DHODH: variants seen among roughly 807,000 people sequenced by gnomAD.
DHODH encodes dihydroorotate dehydrogenase (quinone), mitochondrial.
A neutral mutation model predicts 39.7 loss-of-function variants in DHODH; 30 were observed. The observed-to-expected ratio is 0.76, with a 90% CI of 0.57 to 1.02. The LOEUF (loss-of-function observed/expected upper bound fraction) is 1.02. Among genes scored for constraint, DHODH ranks in the 50% least tolerant of loss-of-function variants. DHODH has a pLI of 0.00. For synonymous variants in DHODH, 222 were observed against 213.8 expected, an observed-to-expected ratio of 1.04 and a Z score of -0.34; for missense variants, 531 against 520.8, an observed-to-expected ratio of 1.02 and a Z score of -0.19.
chr16:72,021,854 T>G (rs1178723926), intron 5 of DHODH, among the ~76,000 whole-genome samples: 1 of 151,984 alleles, frequency 6.6e-6, no homozygotes, highest in Non-Finnish European at 1.5e-5. Flanking sequence ...CCCCAGCTAC[T>G]TGGAGGCCGA....
rs199626701 is a variant in DHODH, at chr16:72,023,214, C to A, written c.869C>A (p.Ala290Glu). ...ACGAACACCACCGTGAGTCGCCCTGCGGGCCTCCAGGGTGCCCTGCGCTCT... is the reference window on the plus strand; with the variant it reads ...ACGAACACCACCGTGAGTCGCCCTGAGGGCCTCCAGGGTGCCCTGCGCTCT... ...IVTNTTVSRP[A>E]GLQGALRSET... is the part of the protein sequence containing the mutation. The change falls in exon 7 of 9, where the codon GCG becomes GAG. Residue 290 changes from alanine to glutamate, a missense_variant. Ala to Glu is a moderately radical substitution (Grantham distance 107). Coordinates refer to ENST00000219240, the MANE Select transcript of DHODH (RefSeq NM_001361.5). 1 of 1,614,056 alleles carries A rather than the reference C, an allele frequency of 6.2e-7. No homozygotes were observed. The highest frequency in any genetic ancestry group is 1.1e-5 in the South Asian group (1 of 91,092).
intron 4 of DHODH, among the ~76,000 whole-genome samples, chr16:72,020,866 A>T (rs567551241): frequency 6.6e-6 from 1 of 152,262 alleles, no homozygotes; most frequent in East Asian, 1.9e-4. Context: ...TTTCCATGAA[A>T]ATTTTAAAAA....
chr16:72,010,509 G>A (rs764701721), intron 1 of DHODH, among the ~76,000 whole-genome samples: 4 of 151,978 alleles, frequency 2.6e-5, no homozygotes, highest in African/African-American at 4.8e-5. Context: ...TCTGTCTGTC[G>A]CTTCATAAGA....
In DHODH at chr16:72,012,084, G is replaced by C. The variant is rs267606765; in HGVS notation, c.56G>C (p.Gly19Ala). 2 of 1,614,056 alleles carry C rather than the reference G, an allele frequency of 1.2e-6. No individual in the cohort carries two copies. Among genetic ancestry groups the C allele is most frequent in the African/African-American group, 2.7e-5 (2 of 74,920 alleles). Residue 19 changes from glycine (G) to alanine (A), a missense_variant, in exon 2 of 9, where the codon GGA becomes GCA. By Grantham distance (60) the Gly-to-Ala change is moderately conservative. Transcript: ENST00000219240. Reference protein sequence around the residue: ...RAQDAVIILGGGGLLFASYLM... With the variant: ...RAQDAVIILGAGGLLFASYLM... The stretch of plus-strand genomic sequence containing the variant: ...CAGGATGCTGTGATCATCCTGGGGG[G>C]AGGAGGACTTCTCTTCGCCTCCTAC...
chr16:72,023,954 TA>T (rs2144005556), intron 8 of DHODH, among the ~76,000 whole-genome samples, 190 bp from the exon 9 acceptor site: 1 of 152,288 alleles, frequency 6.6e-6, no homozygotes, highest in Admixed American at 6.5e-5. Flanking sequence ...TGTCAATACT[TA>T]AAAGCAATTT....
Position 72,012,073 on chromosome 16 carries a change from C to G in DHODH, c.45C>G (p.Ile15Met), listed in dbSNP as rs2041087725. The change falls in exon 2 of 9, where the codon ATC (isoleucine) becomes ATG (methionine). Residue 15 changes from isoleucine to methionine, a missense_variant. Physicochemically the swap from Ile to Met is conservative, Grantham distance 10. Transcript: ENST00000219240. ...HLKKRAQDAV[I>M]ILGGGGLLFA... is the part of the protein sequence containing the mutation. The stretch of plus-strand genomic sequence containing the variant: ...AGAAGCGGGCCCAGGATGCTGTGAT[C>G]ATCCTGGGGGGAGGAGGACTTCTCT... 1.9e-6 allele frequency: 3 copies of G among 1,614,058 alleles called. No homozygotes were observed. The African/African-American group carries it at 4.0e-5, about 22-fold the overall frequency.
At position 72,023,174 on chromosome 16, in the gene DHODH, G is replaced by A. The variant is rs200677583; in HGVS notation, c.829G>A (p.Asp277Asn). 2.4e-5 allele frequency: 39 copies of A among 1,614,154 alleles called. No homozygotes were observed. The highest frequency in any genetic ancestry group is 6.7e-5 in the Admixed American group (4 of 60,020). ...IASVVKELGI[D>N]GLIVTNTTVS... Reference sequence around the variant, plus strand: ...CTATCTCGCACTGCAGTTGGGCATCGATGGGCTGATTGTTACGAACACCAC... The same window carrying A: ...CTATCTCGCACTGCAGTTGGGCATCAATGGGCTGATTGTTACGAACACCAC... The change falls in exon 7 of 9, where the codon GAT becomes AAT. Residue 277 changes from aspartate to asparagine, a missense_variant. Physicochemically the swap from Asp to Asn is conservative, Grantham distance 23 (BLOSUM62 1). Transcript: ENST00000219240.
intron 1 of DHODH, 36 bp downstream of exon 1, chr16:72,008,821 C>T (rs1022644102): frequency 1.1e-5 from 17 of 1,552,280 alleles, no homozygotes; most frequent in Non-Finnish European, 1.5e-5. Flanking sequence ...GATGGGGGAC[C>T]AGGGACCGGG....
At chr16:72,019,442 C>T (rs189690889) in intron 4 of DHODH, among the ~76,000 whole-genome samples, 2 of 152,296 alleles carry the variant, frequency 1.3e-5, no homozygotes, top group African/African-American at 4.8e-5. Flanking sequence ...ATTCTTCCCC[C>T]AACTCTCAGA....
chr16:72,012,868 G>A (rs2041099708), intron 2 of DHODH, among the ~76,000 whole-genome samples: 1 of 152,204 alleles, frequency 6.6e-6, no homozygotes, highest in African/African-American at 2.4e-5. Context: ...CAGAAGTGTA[G>A]ATACAGCCTC....
chr16:72,023,686 G>C, intron 8 of DHODH, 53 bp downstream of exon 8: 1 of 1,606,320 alleles, frequency 6.2e-7, no homozygotes, highest in Non-Finnish European at 8.5e-7. Flanking sequence ...GGTTCATTTA[G>C]ATCACTCAAG....
intron 4 of DHODH, chr16:72,020,436 G>A (rs1007277568): frequency 1.1e-4 from 17 of 148,060 alleles, no homozygotes; most frequent in African/African-American, 4.0e-4. Flanking sequence ...GAGTGCAGTG[G>A]CGCGATCACG....
At chr16:72,012,004 C>T (rs779579022) in intron 1 of DHODH, 46 bp from the exon 2 acceptor site, 3 of 1,549,852 alleles carry the variant, frequency 1.9e-6, no homozygotes, top group East Asian at 2.2e-5. Context: ...AGGAAGGGTG[C>T]TGCAGCCTGG....
chr16:72,016,942 T>G, intron 3 of DHODH, 82 bp from the exon 4 acceptor site: 1 of 1,327,878 alleles, frequency 7.5e-7, no homozygotes, highest in Non-Finnish European at 1.1e-6. Context: ...TTTTTTTCTC[T>G]TGTTTGAAAA....
At chr16:72,013,110 T>TTCCCACCAGAGTTCTGAGG (rs1491160170) in intron 2 of DHODH, among the ~76,000 whole-genome samples, 5 of 152,184 alleles carry the variant, frequency 3.3e-5, no homozygotes, top group African/African-American at 1.2e-4. Flanking sequence ...GAAGGGTCAC[T>TTCCCACCAGAGTTCTGAGG]GTTATAAATT....
At chr16:72,024,058 G>A in intron 8 of DHODH, 87 bp from the exon 9 acceptor site, 1 of 1,373,126 alleles carries the variant, frequency 7.3e-7, no homozygotes, top group East Asian at 2.3e-5. Flanking sequence ...CCGGGATGAT[G>A]CGTTTCTGGG....
In DHODH at chr16:72,026,208, T is replaced by G. The variant is rs1313233142; in HGVS notation, c.*2009T>G. Reference sequence around the variant, plus strand: ...CATACTCTGGACACCCTCCTCATTCTCTCTGGGCTTTGATGCTCTCTGTGA... The same window carrying G: ...CATACTCTGGACACCCTCCTCATTCGCTCTGGGCTTTGATGCTCTCTGTGA... On this transcript the variant is annotated 3_prime_UTR_variant, in exon 9 of 9. Coordinates refer to ENST00000219240, the MANE Select transcript of DHODH (RefSeq NM_001361.5). The G allele has an allele frequency of 1.3e-5, 2 of 152,334 alleles. No individual in the cohort carries two copies. Among genetic ancestry groups the G allele is most frequent in the Non-Finnish European group, 2.9e-5 (2 of 68,150 alleles). 9.4% of individuals were successfully genotyped at this position (152,334 alleles called of 1,614,324 possible).
intron 1 of DHODH, among the ~76,000 whole-genome samples, chr16:72,009,802 A>C (rs2041063683): frequency 6.6e-6 from 1 of 151,922 alleles, no homozygotes; most frequent in South Asian, 2.1e-4. Context: ...TTTAGTAGAG[A>C]CTGCAGTTTC....
intron 1 of DHODH, chr16:72,009,077 A>T: frequency 2.9e-6 from 4 of 1,362,790 alleles, no homozygotes; most frequent in Non-Finnish European, 3.8e-6. Flanking sequence ...TGAACACATG[A>T]CCGCCTAGCG....
Sources: gnomAD v4.1 joint callset for allele counts (sites outside exome capture counted in the v4.1 genomes callset) on GRCh38, gnomAD v4.1.1 for gene constraint, MANE v1.5 for transcripts, NCBI Gene and HGNC (gene_info 2026-07-23, HGNC 2026-07-21) for gene names.